The following DNAH12 variants were observed in gnomAD, a reference collection of about 807,000 sequenced individuals.
DNAH12 encodes dynein axonemal heavy chain 12.
In DNAH12, 285 loss-of-function variants were observed where a neutral mutation model predicts 371.5. That is an observed-to-expected ratio of 0.77 (90% CI 0.70 to 0.85). The LOEUF is 0.85. Among genes scored for constraint, DNAH12 ranks in the 40% least tolerant of loss-of-function variants. The pLI, the probability that DNAH12 is intolerant of heterozygous loss-of-function variation, is 0.00. For synonymous variants in DNAH12, 1,200 were observed against 1,213.0 expected (o/e 0.99, Z 0.22); for missense variants, 3,611 against 3,689.4 (o/e 0.98, Z 0.55).
intron 62 of DNAH12, among the ~76,000 whole-genome samples, chr3:57,331,479 G>C (rs943922814): frequency 2.6e-5 from 4 of 152,022 alleles, no homozygotes; most frequent in African/African-American, 9.7e-5. Context: ...CAACTATCAG[G>C]CAAGAATGAG....
chr3:57,371,769 G>GA (rs1277237862), intron 55 of DNAH12, among the ~76,000 whole-genome samples: 3 of 129,540 alleles, frequency 2.3e-5, no homozygotes, highest in Admixed American at 7.4e-5. Flanking sequence ...ATTTCCAGAG[G>GA]GAAAAAAAGA....
intron 72 of DNAH12, 25 bp downstream of exon 72, chr3:57,296,319 G>T: frequency 6.6e-7 from 1 of 1,509,432 alleles, no homozygotes; most frequent in Non-Finnish European, 9.0e-7. Context: ...CAAATGAAGA[G>T]GTCCTGGCAG....
At position 57,438,918 on chromosome 3, in the gene DNAH12, C is replaced by CGAAAAAAA. The variant is rs562343761; in HGVS notation, c.4546-1859_4546-1858insTTTTTTTC. ...CAACAGAGTGAAACTCTGTCTCAGA[C>CGAAAAAAA]AAAAAAAAAAAAAAGGAAAGCAACT... On this transcript the variant is annotated intron_variant, in intron 29 of 73. Coordinates refer to ENST00000495027, the MANE Select transcript of DNAH12 (RefSeq NM_001366028.2). Among the ~76,000 whole-genome samples the CGAAAAAAA allele has an allele frequency of 8.8e-4, 83 of 94,516 alleles. 1 individual carries two copies. Among genetic ancestry groups the CGAAAAAAA allele is most frequent in the Middle Eastern group, 7.5e-3 (1 of 134 alleles). The allele number at this position is 94,516 out of a possible 152,430, so 62.0% of individuals were successfully genotyped here. A position where few individuals can be genotyped will look rare whatever the true frequency, so the allele number is the denominator to read the frequency against.
chr3:57,519,689 C>T, intron 4 of DNAH12: 1 of 1,608,380 alleles, frequency 6.2e-7, no homozygotes, highest in Non-Finnish European at 8.5e-7. Context: ...ATTCTTTGGG[C>T]CACCCAGTCC....
At chr3:57,359,559 C>CAAAAAAAA (rs1268515074) in intron 58 of DNAH12, among the ~76,000 whole-genome samples, 57 of 71,702 alleles carry the variant, frequency 7.9e-4, no homozygotes, top group East Asian at 2.5e-3. Context: ...AACTCCATCT[C>CAAAAAAAA]AAAAAAAAAA....
intron 62 of DNAH12, among the ~76,000 whole-genome samples, chr3:57,326,979 G>C (rs1041578656): frequency 1.3e-5 from 2 of 152,222 alleles, no homozygotes; most frequent in African/African-American, 4.8e-5. Context: ...TTACATAATG[G>C]TAAAGGGATC....
intron 5 of DNAH12, among the ~76,000 whole-genome samples, chr3:57,509,671 A>G (rs2067908021): frequency 1.3e-5 from 2 of 151,808 alleles, no homozygotes; most frequent in African/African-American, 2.4e-5. Flanking sequence ...AGACCAGGCT[A>G]GCCAACATGG....
At chr3:57,538,994 C>G (rs1035107462) in intron 2 of DNAH12, among the ~76,000 whole-genome samples, 3 of 152,148 alleles carry the variant, frequency 2.0e-5, no homozygotes, top group African/African-American at 7.2e-5. Flanking sequence ...ACCTAGCTAC[C>G]AAAGCTAACC....
At chr3:57,445,475 C>T in intron 27 of DNAH12, 56 bp from the exon 28 acceptor site, 1 of 1,389,712 alleles carries the variant, frequency 7.2e-7, no homozygotes, top group East Asian at 2.6e-5. Context: ...TGTTTTTAAG[C>T]TGAGCATAAG....
Position 57,433,482 on chromosome 3 carries a change from G to A in DNAH12, c.4865C>T (p.Thr1622Ile). ...HEWTDGIVAN[T>I]FREFALSETP... ...TTCTGATAAGGCAAATTCTCTAAAA[G>A]TGTTAGCCACAATACCATCAGTCCA... The change falls in exon 32 of 74, where the codon ACT (threonine) becomes ATT (isoleucine). Residue 1622 changes from threonine to isoleucine, a missense_variant. Coordinates refer to ENST00000495027, the MANE Select transcript of DNAH12 (RefSeq NM_001366028.2). The A allele has an allele frequency of 6.4e-7, 1 of 1,551,424 alleles. No individual in the cohort carries two copies. Among genetic ancestry groups the A allele is most frequent in the Non-Finnish European group, 8.7e-7 (1 of 1,146,894 alleles).
chr3:57,354,538 T>TAAA (rs1372789364), intron 59 of DNAH12, among the ~76,000 whole-genome samples: 3,047 of 52,792 alleles, frequency 0.058, 60 homozygotes, highest in Middle Eastern at 0.11. Flanking sequence ...TCTTGTTTGC[T>TAAA]AAAAAAAAAA....
intron 11 of DNAH12, among the ~76,000 whole-genome samples, chr3:57,494,315 G>A (rs1237509512): frequency 6.6e-6 from 1 of 151,848 alleles, no homozygotes; most frequent in Non-Finnish European, 1.5e-5. Flanking sequence ...CACTTTAGGA[G>A]GCCAAGGTGC....
chr3:57,293,784 G>A lies in DNAH12; in HGVS notation c.11880C>T (p.Asp3960=). Residue 3960 remains aspartate (D), a synonymous_variant, in exon 74 of 74, where the codon GAC becomes GAT. Coordinates refer to ENST00000495027, the MANE Select transcript of DNAH12 (RefSeq NM_001366028.2). ...RGVALLCQLD[D] is the part of the protein sequence containing the mutation. ...ATGTTTTATAAATTTGTCCAATTTA[G>A]TCATCCAACTGACAAAGCAAAGCAA... The A allele has an allele frequency of 2.0e-6, 3 of 1,523,760 alleles. No individual in the cohort carries two copies. In the African/African-American group the frequency reaches 4.2e-5, roughly 21 times the overall value. 94.4% of individuals were successfully genotyped at this position (1,523,760 alleles called of 1,614,324 possible).
chr3:57,301,720 A>T lies in DNAH12; in HGVS notation c.11394+15T>A. ...CACACACACACACACACACACACAC[A>T]CACACACATTTTACCTGTAAAAAGT... is the stretch of plus-strand genomic sequence containing the variant. On this transcript the variant is annotated intron_variant, in intron 70 of 73. Transcript: ENST00000495027. The T allele has an allele frequency of 7.8e-7, 1 of 1,280,964 alleles. No individual in the cohort carries two copies. The allele number at this position is 1,280,964 out of a possible 1,614,324, so 79.3% of individuals were successfully genotyped here.
chr3:57,301,746 T>C lies in DNAH12; in HGVS notation c.11383A>G (p.Asn3795Asp). Residue 3795 changes from asparagine to aspartate, a missense_variant, in exon 70 of 74, where the codon AAC becomes GAC. By Grantham distance (23) the Asn-to-Asp change is conservative. Coordinates refer to ENST00000495027, the MANE Select transcript of DNAH12 (RefSeq NM_001366028.2). Reference sequence around the variant, plus strand: ...CACACACATTTTACCTGTAAAAAGTTCAACCGGGCTAGGAAATCTGTGATG... The same window carrying C: ...CACACACATTTTACCTGTAAAAAGTCCAACCGGGCTAGGAAATCTGTGATG... ...SYITDFLARL[N>D]FLQDWYNSGK... 1 of 1,548,492 alleles carries C rather than the reference T, an allele frequency of 6.5e-7. No homozygotes were observed.
At chr3:57,483,783 A>G (rs540166969) in intron 12 of DNAH12, among the ~76,000 whole-genome samples, 138 of 103,942 alleles carry the variant, frequency 1.3e-3, no homozygotes, top group Admixed American at 3.7e-3. Context: ...CTGTCTCTAC[A>G]AAAAAAAAAA....
chr3:57,550,206 CT>C, the DNAH12 span, among the ~76,000 whole-genome samples: 1 of 152,042 alleles, frequency 6.6e-6, no homozygotes, highest in Non-Finnish European at 1.5e-5. Context: ...TCCTAACCAC[CT>C]GGGAGACTGA....
At chr3:57,413,031 C>A (rs2064255926) in intron 39 of DNAH12, among the ~76,000 whole-genome samples, 3 of 152,186 alleles carry the variant, frequency 2.0e-5, no homozygotes. Context: ...AACTTGGAAG[C>A]AACCAAGATG....
chr3:57,312,350 C>T (rs1231905243), intron 66 of DNAH12, among the ~76,000 whole-genome samples: 1 of 152,092 alleles, frequency 6.6e-6, no homozygotes, highest in Admixed American at 6.5e-5. Flanking sequence ...CAACTGGGTT[C>T]CTTCCCCTCC....
Sources: gnomAD v4.1 joint callset for allele counts (sites outside exome capture counted in the v4.1 genomes callset) on GRCh38, gnomAD v4.1.1 for gene constraint, MANE v1.5 for transcripts, NCBI Gene and HGNC (gene_info 2026-07-23, HGNC 2026-07-21) for gene names.